The following RAF1 variants were observed in gnomAD, a reference collection of about 807,000 sequenced individuals.
RAF1 encodes the protein RAF proto-oncogene serine/threonine-protein kinase.
A neutral mutation model predicts 81.1 loss-of-function variants in RAF1; 27 were observed. The observed-to-expected ratio is 0.33, with a 90% CI of 0.25 to 0.46. The LOEUF (loss-of-function observed/expected upper bound fraction) is 0.46. Among genes scored for constraint, RAF1 ranks in the 20% least tolerant of loss-of-function variants. The pLI, the probability that RAF1 is intolerant of heterozygous loss-of-function variation, is 1.00. For missense variants in RAF1, 598 were observed against 826.0 expected (o/e 0.72, Z 3.38); for synonymous variants, 298 against 294.0 (o/e 1.01, Z -0.14).
chr3:12,655,012 C>T (rs1485818080), intron 1 of RAF1, among the ~76,000 whole-genome samples: 1 of 147,924 alleles, frequency 6.8e-6, no homozygotes, highest in South Asian at 2.3e-4. Flanking sequence ...CCCCCCCCCG[C>T]CATCTCTAAA....
chr3:12,644,626 A>T (rs535239028), intron 1 of RAF1, among the ~76,000 whole-genome samples: 1 of 152,286 alleles, frequency 6.6e-6, no homozygotes, highest in Admixed American at 6.5e-5. Context: ...CTAGCAGTCA[A>T]ATCTTCCTAT....
intron 11 of RAF1, among the ~76,000 whole-genome samples, chr3:12,598,369 G>A (rs954356341): frequency 1.3e-5 from 2 of 152,066 alleles, no homozygotes; most frequent in African/African-American, 2.4e-5. Context: ...ATGTTCAGTC[G>A]GGTGCCAATC....
At chr3:12,598,878 G>A (rs2058773775) in intron 11 of RAF1, among the ~76,000 whole-genome samples, 1 of 151,756 alleles carries the variant, frequency 6.6e-6, no homozygotes, top group Non-Finnish European at 1.5e-5. Context: ...TAATTCCAGT[G>A]TCATCCAAAG....
At chr3:12,606,105 A>C in intron 6 of RAF1, 96 bp downstream of exon 6, 2 of 844,438 alleles carry the variant, frequency 2.4e-6, no homozygotes, top group South Asian at 1.4e-5. Flanking sequence ...CGTAGAGAGG[A>C]GGGAATGCGA....
intron 16 of RAF1, 60 bp downstream of exon 15, chr3:12,585,062 G>A (rs2125320841): frequency 6.2e-7 from 1 of 1,614,084 alleles, no homozygotes; most frequent in Non-Finnish European, 8.5e-7. Context: ...TAGCTGCTTA[G>A]GCTGGCGGAG....
intron 1 of RAF1, among the ~76,000 whole-genome samples, chr3:12,663,395 G>A (rs904453): frequency 2.6e-5 from 4 of 151,932 alleles, no homozygotes; most frequent in Non-Finnish European, 5.9e-5. Flanking sequence ...TCTCTAAAAG[G>A]GTGTCACTTG....
At chr3:12,645,268 G>A (rs184210503) in intron 1 of RAF1, among the ~76,000 whole-genome samples, 36 of 152,156 alleles carry the variant, frequency 2.4e-4, no homozygotes, top group Non-Finnish European at 3.8e-4. Flanking sequence ...ACTTAGTCAA[G>A]AGAACTCAGA....
At chr3:12,585,470 A>G in intron 15 of RAF1, 3 of 980,678 alleles carry the variant, frequency 3.1e-6, no homozygotes, top group Non-Finnish European at 3.6e-6. Flanking sequence ...TCTGTCACCC[A>G]GCTTATTAAC....
Position 12,584,959 on chromosome 3 carries a change from C to T in RAF1, c.1751G>A (p.Gly584Glu), listed in dbSNP as rs2125319966. Residue 584 changes from glycine to glutamate, a missense_variant, in exon 17 of 18, where the codon GGA (glycine) becomes GAA (glutamate). Transcript: ENST00000442415. ...CTTACTAAGATCTGGGGAGGCATAT[C>T]CTCGGCCCACCATGAAGATGATCTA... 6.2e-7 allele frequency: 1 copy of T among 1,614,162 alleles called. No homozygotes were observed. Among genetic ancestry groups the T allele is most frequent in the Non-Finnish European group, 8.5e-7 (1 of 1,180,022 alleles).
intron 11 of RAF1, among the ~76,000 whole-genome samples, chr3:12,593,113 T>TG (rs1253745880): frequency 4.7e-5 from 7 of 149,300 alleles, no homozygotes; most frequent in Non-Finnish European, 7.4e-5. Flanking sequence ...TTTTTTGAGA[T>TG]GGAGACTCGC....
At position 12,618,554 on chromosome 3, in the gene RAF1, G is replaced by T; in HGVS notation, c.168C>A (p.Asn56Lys). 6.2e-7 allele frequency: 1 copy of T among 1,614,224 alleles called. No individual in the cohort carries two copies. The change falls in exon 2 of 18, where the codon AAC becomes AAA. Residue 56 changes from asparagine (N) to lysine (K), a missense_variant. Physicochemically the swap from Asn to Lys is moderately conservative, Grantham distance 94. Coordinates refer to ENST00000442415, the MANE Select transcript of RAF1 (RefSeq NM_001354689.3). ...TGTTCGGCAAGAAAACACGGATAGT[G>T]TTGCTTGTCTTAGAAGGATCTGTGA...
intron 1 of RAF1, among the ~76,000 whole-genome samples, chr3:12,633,201 G>C (rs1021502564): frequency 6.6e-6 from 1 of 152,056 alleles, no homozygotes; most frequent in Non-Finnish European, 1.5e-5. Context: ...AAAACACACA[G>C]AGAAAAAAAC....
At position 12,600,395 on chromosome 3, in the gene RAF1, G is replaced by T. The variant is rs763657486; in HGVS notation, c.915C>A (p.Ser305Arg). The change falls in exon 9 of 18, where the codon AGC (serine) becomes AGA (arginine). Residue 305 changes from serine (S) to arginine (R), a missense_variant. Ser to Arg is a moderately radical substitution (Grantham distance 110, BLOSUM62 -1). This residue lies in a region of RAF1 where 194 missense variants were observed against 202.7 expected (regional missense o/e 0.96). Coordinates refer to ENST00000442415, the MANE Select transcript of RAF1 (RefSeq NM_001354689.3). ...ATGACTATGGAAAAGTACCTGATTCGCTGTGACTTCGAATTGCATCCTGAA... is the reference window on the plus strand; with the variant it reads ...ATGACTATGGAAAAGTACCTGATTCTCTGTGACTTCGAATTGCATCCTGAA... 6.2e-7 allele frequency: 1 copy of T among 1,614,136 alleles called. No individual in the cohort carries two copies. The highest frequency in any genetic ancestry group is 1.1e-5 in the South Asian group (1 of 91,080).
At chr3:12,642,264 C>T (rs1330786350) in intron 1 of RAF1, among the ~76,000 whole-genome samples, 1 of 150,502 alleles carries the variant, frequency 6.6e-6, no homozygotes, top group Non-Finnish European at 1.5e-5. Flanking sequence ...TCCTGGCTAA[C>T]ACGGTGAAAC....
intron 13 of RAF1, 67 bp from the exon 13 acceptor site, chr3:12,587,704 A>G: frequency 2.2e-6 from 3 of 1,358,582 alleles, no homozygotes; most frequent in East Asian, 4.6e-5. Flanking sequence ...GTTTTAAACT[A>G]CAGCTAAGAA....
chr3:12,638,910 C>T (rs907408364), intron 1 of RAF1, among the ~76,000 whole-genome samples: 1 of 152,120 alleles, frequency 6.6e-6, no homozygotes, highest in Non-Finnish European at 1.5e-5. Context: ...TACATAAGGT[C>T]ATGTAGAATG....
chr3:12,635,571 G>A lies in RAF1; in HGVS notation c.-26-16824C>T, dbSNP rs530611088. On this transcript the variant is annotated intron_variant, in intron 1 of 17. Transcript: ENST00000442415. ...GAATCCCTTGAATCTGGGAAGCAGA[G>A]GTTGCAGTGAGCCGAGATCGTGCCA... Among the ~76,000 whole-genome samples, 467 of 148,102 alleles carry A rather than the reference G, an allele frequency of 3.2e-3. 3 individuals are homozygous for A. The highest frequency in any genetic ancestry group is 0.011 in the African/African-American group (436 of 40,378).
chr3:12,584,434 T>A lies in RAF1; in HGVS notation c.*80A>T. 6.4e-7 allele frequency: 1 copy of A among 1,572,242 alleles called. No homozygotes were observed. The highest frequency in any genetic ancestry group is 1.1e-5 in the South Asian group (1 of 89,836). On this transcript the variant is annotated 3_prime_UTR_variant, in exon 18 of 18. Transcript: ENST00000442415. ...CTTCTCTGAAAACATGTGTTCTGCC[T>A]CTGGAGAAAGGGAGCAGAAAAGTGG... is the stretch of plus-strand genomic sequence containing the variant.
At position 12,601,101 on chromosome 3, in the gene RAF1, G is replaced by T. The variant is rs535070936; in HGVS notation, c.895-686C>A. Among the ~76,000 whole-genome samples the T allele has an allele frequency of 3.2e-4, 49 of 152,300 alleles. 1 individual carries two copies. The South Asian group carries it at 0.01, about 32-fold the overall frequency. On this transcript the variant is annotated intron_variant, in intron 8 of 17. Transcript: ENST00000442415. ...ACAAGGAGTTAGGCTAAATTGACTAGAAGTTGGATTTGAAAAAGGTAAGCA... is the reference window on the plus strand; with the variant it reads ...ACAAGGAGTTAGGCTAAATTGACTATAAGTTGGATTTGAAAAAGGTAAGCA...
Sources: gnomAD v4.1 joint callset for allele counts (sites outside exome capture counted in the v4.1 genomes callset) on GRCh38, gnomAD v4.1.1 for gene constraint, gnomAD v4.1.1 regional missense constraint, MANE v1.5 for transcripts, NCBI Gene and HGNC (gene_info 2026-07-23, HGNC 2026-07-21) for gene names.